Variants in SDCCAG8 observed in about 807,000 individuals in gnomAD.
SDCCAG8 encodes the protein SHH signaling and ciliogenesis regulator SDCCAG8.
SDCCAG8 carries 74 observed loss-of-function variants against 101.8 expected under a neutral mutation model. The observed-to-expected ratio is 0.73, with a 90% CI of 0.60 to 0.88. The LOEUF is 0.88. Ranked by LOEUF, SDCCAG8 falls within the 40% of genes least tolerant of loss-of-function variation. The probability of loss-of-function intolerance (pLI) is 0.00; values close to 1 mark genes in which losing one functional copy is unlikely to be tolerated. For missense variants in SDCCAG8, 787 were observed against 822.6 expected, an observed-to-expected ratio of 0.96 and a Z score of 0.53; for synonymous variants, 281 against 292.9, an observed-to-expected ratio of 0.96 and a Z score of 0.41.
chr1:243,402,922 C>G (rs550519936), intron 13 of SDCCAG8, among the ~76,000 whole-genome samples: 6 of 152,292 alleles, frequency 3.9e-5, no homozygotes, highest in African/African-American at 1.4e-4. Context: ...CTGGCCATTA[C>G]TTGAAGAGCA....
intron 16 of SDCCAG8, among the ~76,000 whole-genome samples, chr1:243,471,420 A>G (rs190400513): frequency 9.5e-4 from 145 of 152,168 alleles, no homozygotes; most frequent in Non-Finnish European, 3.5e-4. Context: ...TCAACTTATT[A>G]CGCTCGTGGG....
At chr1:243,465,658 A>G (rs1659986098) in intron 16 of SDCCAG8, among the ~76,000 whole-genome samples, 1 of 152,232 alleles carries the variant, frequency 6.6e-6, no homozygotes, top group African/African-American at 2.4e-5. Context: ...ACAGATACCC[A>G]TGATAGGATC....
intron 5 of SDCCAG8, among the ~76,000 whole-genome samples, chr1:243,291,033 A>G (rs1336565067): frequency 1.3e-5 from 2 of 152,208 alleles, no homozygotes; most frequent in Admixed American, 6.5e-5. Flanking sequence ...CTGAACTTCC[A>G]GAAGAATATA....
At chr1:243,262,642 G>T (rs185477718) in intron 1 of SDCCAG8, among the ~76,000 whole-genome samples, 3 of 152,272 alleles carry the variant, frequency 2.0e-5, no homozygotes, top group African/African-American at 7.2e-5. Flanking sequence ...CATGTTCTTT[G>T]TCAGAAATAG....
chr1:243,300,308 A>G lies in SDCCAG8; in HGVS notation c.676-4405A>G, dbSNP rs147531743. On this transcript the variant is annotated intron_variant, in intron 6 of 17. Transcript: ENST00000366541. ...TTCTCCCCTATATCTATTCTGTCATAAAATTCTCAGTTTTTCTCTTAAATA... is the reference window on the plus strand; with the variant it reads ...TTCTCCCCTATATCTATTCTGTCATGAAATTCTCAGTTTTTCTCTTAAATA... Among the ~76,000 whole-genome samples the G allele has an allele frequency of 4.8e-3, 738 of 152,268 alleles. 1 individual carries two copies. Among genetic ancestry groups the G allele is most frequent in the African/African-American group, 0.017 (704 of 41,548 alleles).
At chr1:243,323,028 G>C (rs1214768301) in intron 9 of SDCCAG8, among the ~76,000 whole-genome samples, 2 of 151,736 alleles carry the variant, frequency 1.3e-5, no homozygotes, top group Non-Finnish European at 2.9e-5. Flanking sequence ...CCAGCTACTC[G>C]GGAGGCTGAG....
intron 13 of SDCCAG8, among the ~76,000 whole-genome samples, chr1:243,390,285 A>G (rs1482464393): frequency 3.9e-5 from 6 of 152,238 alleles, no homozygotes; most frequent in South Asian, 2.1e-4. Context: ...AAATGGATAT[A>G]TGTGCAACCA....
chr1:243,336,657 C>G (rs2075034909), intron 10 of SDCCAG8, among the ~76,000 whole-genome samples: 1 of 152,148 alleles, frequency 6.6e-6, no homozygotes, highest in Admixed American at 6.5e-5. Flanking sequence ...CCCCGACGAT[C>G]CAATCACCTC....
intron 13 of SDCCAG8, among the ~76,000 whole-genome samples, chr1:243,388,713 A>G (rs1317980584): frequency 6.6e-6 from 1 of 151,810 alleles, no homozygotes; most frequent in East Asian, 1.9e-4. Flanking sequence ...AAAAAAAAAA[A>G]AAATTAAAAA....
At chr1:243,268,352 T>C (rs10926978) in intron 1 of SDCCAG8, among the ~76,000 whole-genome samples, 44,592 of 152,190 alleles carry the variant, frequency 0.29, 6,765 homozygotes, top group South Asian at 0.52. Flanking sequence ...TATTCTATTT[T>C]CTAATACTAA....
intron 13 of SDCCAG8, among the ~76,000 whole-genome samples, chr1:243,393,018 G>C (rs1573774988): frequency 6.6e-6 from 1 of 152,152 alleles, no homozygotes; most frequent in Non-Finnish European, 1.5e-5. Flanking sequence ...AATAAAAAAG[G>C]GAACAGATGC....
chr1:243,286,230 C>A, intron 4 of SDCCAG8, 42 bp from the exon 5 acceptor site: 1 of 1,600,088 alleles, frequency 6.2e-7, no homozygotes, highest in South Asian at 1.1e-5. Context: ...AATAAAAACA[C>A]TGCTTAATAA....
At chr1:243,422,616 G>GC (rs1558446263) in intron 15 of SDCCAG8, among the ~76,000 whole-genome samples, 1 of 152,010 alleles carries the variant, frequency 6.6e-6, no homozygotes, top group Non-Finnish European at 1.5e-5. Context: ...CGGTTGAACT[G>GC]TTTTTTTCCT....
chr1:243,368,729 A>G (rs2077125052), intron 12 of SDCCAG8, among the ~76,000 whole-genome samples: 1 of 152,152 alleles, frequency 6.6e-6, no homozygotes, highest in Non-Finnish European at 1.5e-5. Context: ...GAGGGGGAAG[A>G]GCGGAATTAG....
At chr1:243,454,331 T>C (rs1295915300) in intron 16 of SDCCAG8, among the ~76,000 whole-genome samples, 1 of 152,140 alleles carries the variant, frequency 6.6e-6, no homozygotes, top group East Asian at 1.9e-4. Context: ...AAGCAGAGCA[T>C]CTGGGAACTG....
rs558774589 is a variant in SDCCAG8 at position 243,499,891 on chromosome 1, C to T, written c.*106C>T. The T allele has an allele frequency of 3.2e-5, 34 of 1,077,872 alleles. No individual in the cohort carries two copies. The East Asian group carries it at 3.2e-4, about 10-fold the overall frequency. 66.8% of individuals were successfully genotyped at this position (1,077,872 alleles called of 1,614,324 possible). ...CACCACGACCTTCCCAGGGTGACAC[C>T]GCCTCAGCCTGCAGTGGGGCTGGTC... On this transcript the variant is annotated 3_prime_UTR_variant, in exon 18 of 18. Transcript: ENST00000366541.
At chr1:243,364,411 G>T (rs143694573) in intron 12 of SDCCAG8, among the ~76,000 whole-genome samples, 115 of 152,238 alleles carry the variant, frequency 7.6e-4, no homozygotes, top group African/African-American at 2.6e-3. Context: ...TTTTAGTAAT[G>T]CTTTACCTCT....
At chr1:243,278,994 T>C (rs1462863971) in intron 4 of SDCCAG8, among the ~76,000 whole-genome samples, 1 of 152,116 alleles carries the variant, frequency 6.6e-6, no homozygotes, top group Admixed American at 6.5e-5. Context: ...TCTCATCATG[T>C]TGCCCAGGCT....
chr1:243,376,174 T>A (rs564434807), intron 12 of SDCCAG8, among the ~76,000 whole-genome samples: 1 of 152,332 alleles, frequency 6.6e-6, no homozygotes, highest in South Asian at 2.1e-4. Context: ...ACTTTGCTGT[T>A]CTTGAAAGAC....
Sources: gnomAD v4.1 joint callset for allele counts (sites outside exome capture counted in the v4.1 genomes callset) on GRCh38, gnomAD v4.1.1 for gene constraint, MANE v1.5 for transcripts, NCBI Gene and HGNC (gene_info 2026-07-23, HGNC 2026-07-21) for gene names.